The following SHOC2 variants were observed in gnomAD, a reference collection of about 807,000 sequenced individuals.
SHOC2 encodes SHOC2 leucine rich repeat scaffold protein, also known as leucine-rich repeat protein SHOC-2.
In SHOC2, 4 loss-of-function variants were observed where a neutral mutation model predicts 50.2. The observed-to-expected ratio is 0.08, with a 90% CI of 0.04 to 0.18. The LOEUF (loss-of-function observed/expected upper bound fraction) is 0.18. Ranked by LOEUF, SHOC2 falls within the 10% of genes least tolerant of loss-of-function variation. The probability of loss-of-function intolerance (pLI) is 1.00; values close to 1 mark genes in which losing one functional copy is unlikely to be tolerated. For synonymous variants in SHOC2, 218 were observed against 244.5 expected (o/e 0.89, Z 1.01); for missense variants, 388 against 669.6 (o/e 0.58, Z 4.64).
chr10:110,933,044 G>T (rs9804245), intron 1 of SHOC2, among the ~76,000 whole-genome samples: 1 of 152,078 alleles, frequency 6.6e-6, no homozygotes, highest in African/African-American at 2.4e-5. Flanking sequence ...GCTGGAAGTA[G>T]TAGATATATT....
intron 6 of SHOC2, 132 bp downstream of exon 6, chr10:111,007,785 T>TA: frequency 2.3e-6 from 2 of 888,504 alleles, no homozygotes; most frequent in South Asian, 2.9e-5. Context: ...CACTTAAACA[T>TA]ACAACCCTAA....
At chr10:111,002,693 G>A (rs752778691) in intron 4 of SHOC2, among the ~76,000 whole-genome samples, 1 of 151,866 alleles carries the variant, frequency 6.6e-6, no homozygotes, top group African/African-American at 2.4e-5. Context: ...ATGGTAAGAG[G>A]TATATTGATT....
intron 1 of SHOC2, among the ~76,000 whole-genome samples, chr10:110,947,702 T>C (rs1489657198): frequency 6.7e-6 from 1 of 149,912 alleles, no homozygotes; most frequent in African/African-American, 2.5e-5. Flanking sequence ...AGATGTCTTA[T>C]ATACATTTCG....
chr10:110,954,153 T>C (rs1847412193), intron 1 of SHOC2, among the ~76,000 whole-genome samples: 1 of 151,642 alleles, frequency 6.6e-6, no homozygotes, highest in Non-Finnish European at 1.5e-5. Flanking sequence ...GTTCACAGTA[T>C]ATACTGTTAA....
chr10:110,929,951 A>G (rs994262310), intron 1 of SHOC2, among the ~76,000 whole-genome samples: 16 of 152,242 alleles, frequency 1.1e-4, no homozygotes, highest in African/African-American at 3.9e-4. Context: ...ATATTAAAAC[A>G]TATAAGAGCT....
chr10:110,972,498 T>A (rs1038078355), intron 2 of SHOC2, among the ~76,000 whole-genome samples: 8 of 152,220 alleles, frequency 5.3e-5, no homozygotes, highest in African/African-American at 1.9e-4. Context: ...ATGAACTCTT[T>A]ACTTATTACT....
intron 3 of SHOC2, among the ~76,000 whole-genome samples, chr10:110,995,419 G>A (rs1170175503): frequency 6.6e-6 from 1 of 152,182 alleles, no homozygotes. Flanking sequence ...ACTCAGTATG[G>A]AAGAAAAATG....
At chr10:110,946,288 AATTT>A (rs1045410897) in intron 1 of SHOC2, among the ~76,000 whole-genome samples, 4 of 151,018 alleles carry the variant, frequency 2.6e-5, no homozygotes, top group Non-Finnish European at 5.9e-5. Context: ...TTAAAGAAGA[AATTT>A]ATTCTAAAAA....
At chr10:110,961,123 C>T (rs1052538004) in intron 1 of SHOC2, among the ~76,000 whole-genome samples, 1 of 152,060 alleles carries the variant, frequency 6.6e-6, no homozygotes, top group Non-Finnish European at 1.5e-5. Context: ...ATAAAAACCT[C>T]CTTGCCAGCC....
At position 110,962,048 on chromosome 10, in the gene SHOC2, T is replaced by C. The variant is rs111745738; in HGVS notation, c.-234-2077T>C. Among the ~76,000 whole-genome samples the C allele has an allele frequency of 2.8e-3, 431 of 152,198 alleles. 2 individuals are homozygous for C. Among genetic ancestry groups the C allele is most frequent in the African/African-American group, 9.2e-3 (382 of 41,556 alleles). On this transcript the variant is annotated intron_variant, in intron 1 of 8. Coordinates refer to ENST00000369452, the MANE Select transcript of SHOC2 (RefSeq NM_007373.4). ...GGGAATTTGTATTTTTAAACAAATATCTCAGGTCACGTATTTTCTTTTTTC... is the reference window on the plus strand; with the variant it reads ...GGGAATTTGTATTTTTAAACAAATACCTCAGGTCACGTATTTTCTTTTTTC...
intron 1 of SHOC2, among the ~76,000 whole-genome samples, chr10:110,959,453 G>T (rs1847531533): frequency 6.6e-6 from 1 of 152,186 alleles, no homozygotes; most frequent in African/African-American, 2.4e-5. Context: ...CCCATTAAAT[G>T]CCAGTAGCAT....
At chr10:110,945,600 T>C (rs1847231459) in intron 1 of SHOC2, among the ~76,000 whole-genome samples, 1 of 152,216 alleles carries the variant, frequency 6.6e-6, no homozygotes, top group Non-Finnish European at 1.5e-5. Context: ...CTTACTCTGC[T>C]GTTTTCTGTG....
chr10:110,976,899 G>C (rs894026567), intron 2 of SHOC2, among the ~76,000 whole-genome samples: 3 of 151,720 alleles, frequency 2.0e-5, no homozygotes, highest in Admixed American at 6.6e-5. Context: ...ATGTATATTA[G>C]ACTTTACATT....
chr10:111,005,102 A>C (rs1394435314), intron 5 of SHOC2, among the ~76,000 whole-genome samples: 1 of 152,162 alleles, frequency 6.6e-6, no homozygotes, highest in Non-Finnish European at 1.5e-5. Flanking sequence ...AGCTTGGGCA[A>C]TATAGTGAGA....
intron 1 of SHOC2, among the ~76,000 whole-genome samples, chr10:110,948,297 A>G (rs1847286651): frequency 6.6e-6 from 1 of 152,206 alleles, no homozygotes; most frequent in African/African-American, 2.4e-5. Context: ...AATAATAGGG[A>G]CTTTTGTACC....
chr10:110,941,783 T>C (rs1472761722), intron 1 of SHOC2, among the ~76,000 whole-genome samples: 1 of 152,214 alleles, frequency 6.6e-6, no homozygotes, highest in Non-Finnish European at 1.5e-5. Flanking sequence ...AAGTGCAGTG[T>C]ATTGATTCTT....
At chr10:110,977,321 G>A (rs1404697507) in intron 2 of SHOC2, among the ~76,000 whole-genome samples, 1 of 150,908 alleles carries the variant, frequency 6.6e-6, no homozygotes, top group Non-Finnish European at 1.5e-5. Context: ...GTGTGATCTC[G>A]GCCCACCGCA....
intron 4 of SHOC2, among the ~76,000 whole-genome samples, chr10:111,001,468 T>G (rs1848373947): frequency 6.6e-6 from 1 of 152,160 alleles, no homozygotes; most frequent in Non-Finnish European, 1.5e-5. Flanking sequence ...ATAATACTCT[T>G]CTTTTAAAGT....
In SHOC2 at chr10:110,957,264, T is replaced by C. The variant is rs1429837866; in HGVS notation, c.-234-6861T>C. 4.6e-5 allele frequency among the ~76,000 whole-genome samples: 7 copies of C among 152,212 alleles called. 1 individual carries two copies. Among genetic ancestry groups the C allele is most frequent in the Admixed American group, 4.6e-4 (7 of 15,288 alleles). On this transcript the variant is annotated intron_variant, in intron 1 of 8. Coordinates refer to ENST00000369452, the MANE Select transcript of SHOC2 (RefSeq NM_007373.4). ...GAATATCAGTAGCTCTGTATTCTAGTTTCAGCAACTCAGTGACTCCAATAT... is the reference window on the plus strand; with the variant it reads ...GAATATCAGTAGCTCTGTATTCTAGCTTCAGCAACTCAGTGACTCCAATAT...
Sources: gnomAD v4.1 joint callset for allele counts (sites outside exome capture counted in the v4.1 genomes callset) on GRCh38, gnomAD v4.1.1 for gene constraint, MANE v1.5 for transcripts, NCBI Gene and HGNC (gene_info 2026-07-23, HGNC 2026-07-21) for gene names.